LIMS1: variants seen among roughly 807,000 people sequenced by gnomAD.
LIMS1 encodes the protein LIM and senescent cell antigen-like-containing domain protein 1.
In LIMS1, 18 loss-of-function variants were observed where a neutral mutation model predicts 44.1. The observed-to-expected ratio is 0.41, with a 90% confidence interval of 0.28 to 0.61. The LOEUF is 0.61. Among genes scored for constraint, LIMS1 ranks in the 20% least tolerant of loss-of-function variants. The pLI, the probability that LIMS1 is intolerant of heterozygous loss-of-function variation, is 0.32. For missense variants in LIMS1, 201 were observed against 422.0 expected (o/e 0.48, Z 4.59); for synonymous variants, 93 against 149.1 (o/e 0.62, Z 2.74).
chr2:108,560,384 C>T (rs1685071056), intron 1 of LIMS1, among the ~76,000 whole-genome samples: 1 of 152,118 alleles, frequency 6.6e-6, no homozygotes, highest in Admixed American at 6.6e-5. Flanking sequence ...GTTTGGCCCC[C>T]TGCTGCCCTC....
intron 1 of LIMS1, among the ~76,000 whole-genome samples, chr2:108,622,877 A>G (rs1688330938): frequency 6.6e-6 from 1 of 151,868 alleles, no homozygotes; most frequent in South Asian, 2.1e-4. Context: ...CCTTTTCTTT[A>G]TTTTCAGACA....
At chr2:108,673,380 T>A in intron 5 of LIMS1, 1 of 329,884 alleles carries the variant, frequency 3.0e-6, no homozygotes. Context: ...CACGATACTT[T>A]TTGTAAATTT....
chr2:108,580,503 C>A (rs74392800), intron 1 of LIMS1, among the ~76,000 whole-genome samples: 2 of 151,798 alleles, frequency 1.3e-5, no homozygotes, highest in Non-Finnish European at 2.9e-5. Context: ...GGCAGTGTTA[C>A]GGTAGCTCAG....
intron 1 of LIMS1, among the ~76,000 whole-genome samples, chr2:108,623,600 C>T (rs1165623880): frequency 6.6e-6 from 1 of 152,158 alleles, no homozygotes; most frequent in Non-Finnish European, 1.5e-5. Flanking sequence ...AGGAATAAGA[C>T]ACAGGCCTCG....
intron 1 of LIMS1, among the ~76,000 whole-genome samples, chr2:108,535,425 C>T (rs944794591): frequency 6.6e-5 from 10 of 152,200 alleles, no homozygotes; most frequent in African/African-American, 2.2e-4. Context: ...CTTGGTCTGT[C>T]TTGCAGTTTG....
chr2:108,576,239 G>A (rs1304890571), intron 1 of LIMS1, among the ~76,000 whole-genome samples: 1 of 152,160 alleles, frequency 6.6e-6, no homozygotes, highest in Non-Finnish European at 1.5e-5. Flanking sequence ...TACTGGGTCA[G>A]TACCAGTTAT....
chr2:108,560,671 C>G (rs1192888677), intron 1 of LIMS1, among the ~76,000 whole-genome samples: 1 of 151,946 alleles, frequency 6.6e-6, no homozygotes, highest in East Asian at 1.9e-4. Flanking sequence ...CACTGCTAAA[C>G]ACAAACACAC....
chr2:108,547,995 A>C, intron 1 of LIMS1, among the ~76,000 whole-genome samples: 1 of 152,314 alleles, frequency 6.6e-6, no homozygotes, highest in East Asian at 1.9e-4. Context: ...ACCTTTGTAA[A>C]CATGGCTAGA....
At chr2:108,645,999 A>G (rs931756703) in intron 1 of LIMS1, among the ~76,000 whole-genome samples, 1 of 152,170 alleles carries the variant, frequency 6.6e-6, no homozygotes, top group Non-Finnish European at 1.5e-5. Flanking sequence ...TTCATAACGC[A>G]TGTTCTTAGA....
intron 1 of LIMS1, among the ~76,000 whole-genome samples, chr2:108,551,264 T>C (rs1051539374): frequency 4.7e-5 from 7 of 149,536 alleles, no homozygotes; most frequent in African/African-American, 1.7e-4. Context: ...TTTGAGAATA[T>C]TTTCATCACT....
intron 1 of LIMS1, among the ~76,000 whole-genome samples, chr2:108,636,190 G>A (rs1173640395): frequency 1.3e-5 from 2 of 152,212 alleles, no homozygotes; most frequent in Admixed American, 1.3e-4. Flanking sequence ...CACACTACCA[G>A]GGCATGCTGC....
intron 1 of LIMS1, among the ~76,000 whole-genome samples, chr2:108,610,964 T>C (rs1687566928): frequency 6.6e-6 from 1 of 152,122 alleles, no homozygotes; most frequent in East Asian, 1.9e-4. Flanking sequence ...GCACCTTCCA[T>C]TATCTTCATC....
intron 1 of LIMS1, among the ~76,000 whole-genome samples, chr2:108,611,773 G>C (rs1049327362): frequency 1.5e-4 from 22 of 150,216 alleles, no homozygotes; most frequent in African/African-American, 4.1e-4. Flanking sequence ...CAGCTACTAG[G>C]AGGCTGAGGT....
chr2:108,659,887 A>G (rs553451166), intron 2 of LIMS1, 123 bp downstream of exon 2: 53 of 1,459,914 alleles, frequency 3.6e-5, no homozygotes, highest in Middle Eastern at 2.5e-4. Flanking sequence ...TGCCACATGC[A>G]TGCCAGGTAT....
At chr2:108,676,189 T>C (rs1256274125) in intron 6 of LIMS1, among the ~76,000 whole-genome samples, 161 bp downstream of exon 6, 7 of 152,246 alleles carry the variant, frequency 4.6e-5, no homozygotes, top group African/African-American at 1.7e-4. Context: ...AGATTAAACG[T>C]GGACATTTTA....
At chr2:108,678,221 T>C (rs183402160) in intron 8 of LIMS1, among the ~76,000 whole-genome samples, 194 bp downstream of exon 8, 11 of 152,358 alleles carry the variant, frequency 7.2e-5, no homozygotes, top group African/African-American at 2.6e-4. Flanking sequence ...TTGTTACTGA[T>C]TTATGACACT....
At chr2:108,579,952 G>A (rs377218282) in intron 1 of LIMS1, among the ~76,000 whole-genome samples, 8 of 152,230 alleles carry the variant, frequency 5.3e-5, no homozygotes, top group Non-Finnish European at 1.2e-4. Context: ...AGGCAGATCC[G>A]CAGGGCTGCA....
rs1004626873 is a variant in LIMS1 at position 108,551,961 on chromosome 2, A to G, written c.32+17367A>G. 1.5e-4 allele frequency among the ~76,000 whole-genome samples: 22 copies of G among 144,124 alleles called. No individual in the cohort carries two copies. In the East Asian group the frequency reaches 1.8e-3, roughly 12 times the overall value. 94.6% of individuals were successfully genotyped at this position (144,124 alleles called of 152,430 possible). A position where few individuals can be genotyped will look rare whatever the true frequency, so the allele number is the denominator to read the frequency against. On this transcript the variant is annotated intron_variant, in intron 1 of 9. Transcript: ENST00000544547. ...TGTGTGTGTGTGTGTGTGTATATAT[A>G]TATATATATATGTATATATATGGAG...
At chr2:108,597,003 G>C (rs1482509428) in intron 1 of LIMS1, among the ~76,000 whole-genome samples, 1 of 144,512 alleles carries the variant, frequency 6.9e-6, no homozygotes, top group Non-Finnish European at 1.5e-5. Context: ...CTGCCTCCTG[G>C]GTTCAAACGA....
Sources: gnomAD v4.1 joint callset for allele counts (sites outside exome capture counted in the v4.1 genomes callset) on GRCh38, gnomAD v4.1.1 for gene constraint, MANE v1.5 for transcripts, NCBI Gene and HGNC (gene_info 2026-07-23, HGNC 2026-07-21) for gene names.